The following PDGFD variants were observed in gnomAD, a reference collection of about 807,000 sequenced individuals.
PDGFD encodes platelet derived growth factor D.
A neutral mutation model predicts 44.7 loss-of-function variants in PDGFD; 30 were observed. That is an observed-to-expected ratio of 0.67 (90% CI 0.50 to 0.91). The LOEUF is 0.91. Among genes scored for constraint, PDGFD ranks in the 40% least tolerant of loss-of-function variants. PDGFD has a pLI of 0.00. For synonymous variants in PDGFD, 173 were observed against 168.4 expected (o/e 1.03, Z -0.21); for missense variants, 445 against 457.8 (o/e 0.97, Z 0.25).
chr11:103,915,811 T>G (rs947935950), intron 6 of PDGFD, among the ~76,000 whole-genome samples: 1 of 152,202 alleles, frequency 6.6e-6, no homozygotes, highest in African/African-American at 2.4e-5. Flanking sequence ...ATCTGATCTT[T>G]GACAAACCTG....
chr11:104,056,888 G>A (rs775071861), intron 1 of PDGFD, among the ~76,000 whole-genome samples: 1 of 152,146 alleles, frequency 6.6e-6, no homozygotes, highest in African/African-American at 2.4e-5. Context: ...CCAGCACTTT[G>A]GGAGGCCGAG....
intron 1 of PDGFD, among the ~76,000 whole-genome samples, chr11:104,086,387 GT>G (rs1042585642): frequency 2.0e-5 from 3 of 152,184 alleles, no homozygotes; most frequent in South Asian, 2.1e-4. Flanking sequence ...GGACATACAA[GT>G]TTTTTTTCCC....
chr11:104,112,195 T>G (rs1160504241), intron 1 of PDGFD, among the ~76,000 whole-genome samples: 1 of 152,098 alleles, frequency 6.6e-6, no homozygotes, highest in African/African-American at 2.4e-5. Context: ...ATAGGGCCTG[T>G]ATTTTTTTTA....
chr11:103,915,541 T>C lies in PDGFD; in HGVS notation c.988-5722A>G, dbSNP rs573905060. On this transcript the variant is annotated intron_variant, in intron 6 of 6. Transcript: ENST00000393158. ...CCAAAGTAAATTATAGATTCAGTGCTACCCCCATCAAGCTACCATTGACTT... is the reference window on the plus strand; with the variant it reads ...CCAAAGTAAATTATAGATTCAGTGCCACCCCCATCAAGCTACCATTGACTT... 1.8e-3 allele frequency among the ~76,000 whole-genome samples: 277 copies of C among 152,134 alleles called. 3 individuals are homozygous for C. The Middle Eastern group carries it at 0.034, about 19-fold the overall frequency.
chr11:104,120,433 T>C (rs1013225230), intron 1 of PDGFD, among the ~76,000 whole-genome samples: 16 of 152,056 alleles, frequency 1.1e-4, no homozygotes, highest in African/African-American at 3.9e-4. Flanking sequence ...ATTCCTAGTT[T>C]AAAAATCTTT....
At chr11:104,009,910 T>C (rs1173437774) in intron 1 of PDGFD, among the ~76,000 whole-genome samples, 3 of 152,168 alleles carry the variant, frequency 2.0e-5, no homozygotes, top group Non-Finnish European at 4.4e-5. Context: ...CCTGGGACTA[T>C]TAATAGGACG....
chr11:104,022,465 T>C (rs1391962536), intron 1 of PDGFD, among the ~76,000 whole-genome samples: 1 of 152,122 alleles, frequency 6.6e-6, no homozygotes. Context: ...AGTATGACAT[T>C]ACAGTAACAT....
chr11:103,987,559 C>T (rs933523458), intron 3 of PDGFD, among the ~76,000 whole-genome samples: 2 of 152,190 alleles, frequency 1.3e-5, no homozygotes, highest in Admixed American at 1.3e-4. Context: ...AGTTGTTGTA[C>T]ACTTACCCTG....
intron 1 of PDGFD, among the ~76,000 whole-genome samples, chr11:104,158,526 AG>A: frequency 6.6e-6 from 1 of 152,240 alleles, no homozygotes; most frequent in Non-Finnish European, 1.5e-5. Context: ...AGGAGGCATT[AG>A]GGATGTTAGA....
chr11:104,027,186 C>A (rs905952241), intron 1 of PDGFD, among the ~76,000 whole-genome samples: 6 of 152,166 alleles, frequency 3.9e-5, no homozygotes, highest in African/African-American at 1.4e-4. Context: ...GAAAGTTACT[C>A]CCTGGTGTTG....
At chr11:104,161,473 T>C (rs938510682) in intron 1 of PDGFD, among the ~76,000 whole-genome samples, 1 of 152,200 alleles carries the variant, frequency 6.6e-6, no homozygotes, top group Non-Finnish European at 1.5e-5. Flanking sequence ...AAGTGTTGTC[T>C]AGAATTTTTC....
At chr11:104,108,514 C>T (rs886296177) in intron 1 of PDGFD, among the ~76,000 whole-genome samples, 1 of 152,114 alleles carries the variant, frequency 6.6e-6, no homozygotes, top group Non-Finnish European at 1.5e-5. Context: ...CCATCTCACG[C>T]CAGTTAGAAT....
At chr11:104,037,862 A>G in intron 1 of PDGFD, 1 of 1,614,168 alleles carries the variant, frequency 6.2e-7, no homozygotes, top group Non-Finnish European at 8.5e-7. Flanking sequence ...TTGAAGAAAA[A>G]TGTGCTGGTC....
chr11:104,110,272 G>A (rs976169934), intron 1 of PDGFD, among the ~76,000 whole-genome samples: 4 of 151,520 alleles, frequency 2.6e-5, no homozygotes, highest in Non-Finnish European at 4.4e-5. Context: ...TACATTATTT[G>A]TACAAATAAA....
intron 1 of PDGFD, among the ~76,000 whole-genome samples, chr11:104,055,282 C>A (rs1345148866): frequency 6.6e-6 from 1 of 152,182 alleles, no homozygotes; most frequent in East Asian, 1.9e-4. Context: ...GAATCTCTGG[C>A]CCTACCAGTT....
intron 5 of PDGFD, among the ~76,000 whole-genome samples, chr11:103,936,299 A>G (rs139680706): frequency 3.9e-5 from 6 of 152,276 alleles, no homozygotes; most frequent in East Asian, 3.9e-4. Context: ...TTCTTAACCC[A>G]AGTATCAAAT....
intron 1 of PDGFD, among the ~76,000 whole-genome samples, chr11:104,100,724 C>T (rs1244249881): frequency 6.6e-6 from 1 of 152,142 alleles, no homozygotes; most frequent in Non-Finnish European, 1.5e-5. Context: ...AAACCGAATC[C>T]AGCAGCACAA....
At chr11:104,102,051 G>T in intron 1 of PDGFD, among the ~76,000 whole-genome samples, 1 of 151,980 alleles carries the variant, frequency 6.6e-6, no homozygotes, top group Non-Finnish European at 1.5e-5. Context: ...CAAAAGCAAT[G>T]GCAACAAAAG....
chr11:104,016,004 T>C (rs979811126), intron 1 of PDGFD, among the ~76,000 whole-genome samples: 1 of 152,220 alleles, frequency 6.6e-6, no homozygotes, highest in Non-Finnish European at 1.5e-5. Flanking sequence ...GCTCTCAAAA[T>C]CTACTTGTTG....
Sources: gnomAD v4.1 joint callset for allele counts (sites outside exome capture counted in the v4.1 genomes callset) on GRCh38, gnomAD v4.1.1 for gene constraint, MANE v1.5 for transcripts, NCBI Gene and HGNC (gene_info 2026-07-23, HGNC 2026-07-21) for gene names.